The following DDX6 variants were observed in gnomAD, a reference collection of about 807,000 sequenced individuals.
The protein encoded by DDX6 is DEAD-box helicase 6.
In DDX6, 7 loss-of-function variants were observed where a neutral mutation model predicts 60.6. The ratio of observed to expected loss-of-function variants is 0.12; its 90% confidence interval spans 0.07 to 0.22. DDX6 has a LOEUF of 0.22. DDX6 is among the 10% of genes least tolerant of loss of function. The pLI is 1.00. For synonymous variants in DDX6, 207 were observed against 201.0 expected (o/e 1.03, Z -0.25); for missense variants, 270 against 589.9 (o/e 0.46, Z 5.62).
intron 1 of DDX6, chr11:118,789,247 T>C (rs1237690435): frequency 6.6e-6 from 1 of 151,870 alleles, no homozygotes; most frequent in Non-Finnish European, 1.5e-5. Flanking sequence ...AGCTAAATTT[T>C]TTCTATTTTT....
intron 2 of DDX6, among the ~76,000 whole-genome samples, chr11:118,782,745 A>G (rs1591923566): frequency 6.6e-6 from 1 of 151,884 alleles, no homozygotes; most frequent in Non-Finnish European, 1.5e-5. Flanking sequence ...CCGGGGTTCA[A>G]GCAATTCTCC....
At position 118,754,807 on chromosome 11, in the gene DDX6, G is replaced by A; in HGVS notation, c.1357C>T (p.Leu453=). ...GGAATAGGTTTAATTTCTGTTCCCAGCTGCTCCTCAATACTTTTCAGGTTG... is the reference window on the plus strand; with the variant it reads ...GGAATAGGTTTAATTTCTGTTCCCAACTGCTCCTCAATACTTTTCAGGTTG... ...RFNLKSIEEQ[L]GTEIKPIPSN... Residue 453 remains leucine, a synonymous_variant, in exon 13 of 14, where the codon CTG becomes TTG. Transcript: ENST00000534980. 1 of 1,613,926 alleles carries A rather than the reference G, an allele frequency of 6.2e-7. No individual in the cohort carries two copies. Among genetic ancestry groups the A allele is most frequent in the South Asian group, 1.1e-5 (1 of 91,070 alleles).
chr11:118,778,241 A>T (rs1161267364), intron 4 of DDX6, among the ~76,000 whole-genome samples: 5 of 152,088 alleles, frequency 3.3e-5, no homozygotes, highest in South Asian at 2.1e-4. Context: ...TTATTTTTTT[A>T]AAAAAGTATC....
At chr11:118,771,650 TA>T (rs1861539041) in intron 4 of DDX6, among the ~76,000 whole-genome samples, 1 of 152,238 alleles carries the variant, frequency 6.6e-6, no homozygotes, top group African/African-American at 2.4e-5. Flanking sequence ...AAACTTTTTT[TA>T]AAACTTACTA....
At chr11:118,766,624 GCT>G (rs1861363057) in intron 5 of DDX6, among the ~76,000 whole-genome samples, 3 of 151,998 alleles carry the variant, frequency 2.0e-5, no homozygotes. Context: ...ATGGAGTCTT[GCT>G]CTGTTGTCCA....
chr11:118,791,286 C>CG (rs1405407286), upstream of DDX6: 4 of 151,988 alleles, frequency 2.6e-5, no homozygotes, highest in African/African-American at 9.7e-5. Flanking sequence ...GCCGCCGCGG[C>CG]TATATTCGCC....
rs550820357 is a variant in DDX6, at chr11:118,765,428, C to T, written c.500-73G>A. ...AGAACATGCTATACATCATTATTTACAAAATTTAAGAAGCTATAGAAATAC... is the reference window on the plus strand; with the variant it reads ...AGAACATGCTATACATCATTATTTATAAAATTTAAGAAGCTATAGAAATAC... On this transcript the variant is annotated intron_variant, in intron 5 of 13. Transcript: ENST00000534980. The T allele has an allele frequency of 6.2e-5, 93 of 1,505,722 alleles. No homozygotes were observed. The African/African-American group carries it at 1.1e-3, about 17-fold the overall frequency. 93.3% of individuals were successfully genotyped at this position (1,505,722 alleles called of 1,614,324 possible).
At chr11:118,764,342 T>C (rs1277497796) in intron 6 of DDX6, among the ~76,000 whole-genome samples, 1 of 152,204 alleles carries the variant, frequency 6.6e-6, no homozygotes, top group African/African-American at 2.4e-5. Context: ...CTTTACTCTT[T>C]AATGACTATG....
At chr11:118,782,645 C>CTTTTTTT (rs35854068) in intron 2 of DDX6, among the ~76,000 whole-genome samples, 1 of 143,690 alleles carries the variant, frequency 7.0e-6, no homozygotes. Context: ...GTACTAAAGC[C>CTTTTTTT]TTTTTTTTTT....
At chr11:118,767,602 TTAACTTCTCATGACCTCA>T (rs1861397091) in intron 5 of DDX6, 1 of 150,640 alleles carries the variant, frequency 6.6e-6, no homozygotes. Context: ...GTCAACTAAT[TTAACTTCTCATGACCTCA>T]GCCGCCTTTT....
At chr11:118,765,484 TA>T in intron 5 of DDX6, 129 bp from the exon 6 acceptor site, 3 of 929,492 alleles carry the variant, frequency 3.2e-6, no homozygotes, top group Non-Finnish European at 5.0e-6. Flanking sequence ...CTCACACCTG[TA>T]ACTGCACCTT....
Position 118,773,852 on chromosome 11 carries a change from AAAAC to A in DDX6, c.370-5504_370-5501del, listed in dbSNP as rs1204860444. On this transcript the variant is annotated intron_variant, in intron 4 of 13. Transcript: ENST00000534980. ...ACCCCACCCAAAAAGAAAACAAAAC[AAAAC>A]ACACACCAAAAAAAAAAACAAAACA... is the stretch of plus-strand genomic sequence containing the variant. 5.4e-5 allele frequency among the ~76,000 whole-genome samples: 8 copies of A among 149,350 alleles called. No homozygotes were observed. In the East Asian group the frequency reaches 9.8e-4, roughly 18 times the overall value.
At chr11:118,779,308 T>C (rs1861809433) in intron 4 of DDX6, among the ~76,000 whole-genome samples, 1 of 152,134 alleles carries the variant, frequency 6.6e-6, no homozygotes, top group African/African-American at 2.4e-5. Flanking sequence ...GACTGGATCC[T>C]GTATAGAAGA....
chr11:118,783,826 T>TAAAAAAAAAA (rs1591925039), intron 2 of DDX6, among the ~76,000 whole-genome samples: 10 of 55,504 alleles, frequency 1.8e-4, no homozygotes, highest in East Asian at 6.5e-4. Context: ...AAAAAAAAAT[T>TAAAAAAAAAA]AAAAATAGGC....
chr11:118,774,464 C>CTTT lies in DDX6; in HGVS notation c.369+5165_369+5167dup, dbSNP rs11442846. On this transcript the variant is annotated intron_variant, in intron 4 of 13. Coordinates refer to ENST00000534980, the MANE Select transcript of DDX6 (RefSeq NM_004397.6). ...TTTAAGTGCCTAATTCTCTAACAGT[C>CTTT]TTTTTTTTTTTTTTTTTTTTGTGAG... 4.0e-3 allele frequency among the ~76,000 whole-genome samples: 464 copies of CTTT among 116,368 alleles called. 3 individuals carry two copies. The highest frequency in any genetic ancestry group is 0.012 in the East Asian group (47 of 3,936). The allele number at this position is 116,368 out of a possible 152,430, so 76.3% of individuals were successfully genotyped here.
intron 2 of DDX6, among the ~76,000 whole-genome samples, chr11:118,782,600 G>A (rs1591923350): frequency 1.3e-5 from 2 of 151,236 alleles, no homozygotes; most frequent in African/African-American, 4.9e-5. Flanking sequence ...CTCTAACATT[G>A]GTAACTTTTT....
chr11:118,757,346 A>T (rs1298526853), intron 9 of DDX6, 59 bp from the exon 10 acceptor site: 1 of 927,124 alleles, frequency 1.1e-6, no homozygotes, highest in African/African-American at 1.7e-5. Flanking sequence ...TTGGTTTGCC[A>T]AATCTTGAAA....
intron 1 of DDX6, chr11:118,789,036 C>T (rs1862176094): frequency 6.6e-6 from 1 of 151,162 alleles, no homozygotes; most frequent in Non-Finnish European, 1.5e-5. Flanking sequence ...GAAAACAAAG[C>T]CCTACTCTGT....
At chr11:118,761,355 G>A (rs1861159384) in intron 7 of DDX6, among the ~76,000 whole-genome samples, 1 of 152,294 alleles carries the variant, frequency 6.6e-6, no homozygotes, top group East Asian at 1.9e-4. Context: ...GGTGGCTCAC[G>A]CCTGTAATCC....
Sources: gnomAD v4.1 joint callset for allele counts (sites outside exome capture counted in the v4.1 genomes callset) on GRCh38, gnomAD v4.1.1 for gene constraint, MANE v1.5 for transcripts, NCBI Gene and HGNC (gene_info 2026-07-23, HGNC 2026-07-21) for gene names.